Variants in HPSE2 observed in about 807,000 individuals in gnomAD.
HPSE2 encodes the protein inactive heparanase-2.
A neutral mutation model predicts 60.5 loss-of-function variants in HPSE2; 38 were observed. The ratio of observed to expected loss-of-function variants is 0.63; its 90% confidence interval spans 0.48 to 0.82. The LOEUF (loss-of-function observed/expected upper bound fraction) is 0.82. Among genes scored for constraint, HPSE2 ranks in the 40% least tolerant of loss-of-function variants. HPSE2 has a pLI of 0.00. For synonymous variants in HPSE2, 295 were observed against 293.2 expected (o/e 1.01, Z -0.06); for missense variants, 713 against 740.4 (o/e 0.96, Z 0.43).
At chr10:99,272,849 A>G in the HPSE2 span, among the ~76,000 whole-genome samples, 3 of 152,230 alleles carry the variant, frequency 2.0e-5, no homozygotes, top group African/African-American at 4.8e-5. Flanking sequence ...TACAACCACT[A>G]TGGAAAACTG....
At chr10:99,118,495 C>T (rs1387544743) in intron 3 of HPSE2, among the ~76,000 whole-genome samples, 1 of 148,010 alleles carries the variant, frequency 6.8e-6, no homozygotes, top group Admixed American at 6.9e-5. Flanking sequence ...TGCACTCCAG[C>T]CTGAGCAACA....
At chr10:98,862,585 T>C (rs1315116003) in intron 3 of HPSE2, among the ~76,000 whole-genome samples, 1 of 152,190 alleles carries the variant, frequency 6.6e-6, no homozygotes, top group Admixed American at 6.5e-5. Flanking sequence ...CTCATGCTTT[T>C]GGGAGAGTGA....
intron 3 of HPSE2, among the ~76,000 whole-genome samples, chr10:98,788,593 C>T (rs1019910448): frequency 6.6e-6 from 1 of 152,116 alleles, no homozygotes; most frequent in Non-Finnish European, 1.5e-5. Context: ...TAGCAATTAG[C>T]GAGATTCCGT....
intron 3 of HPSE2, among the ~76,000 whole-genome samples, chr10:98,862,535 T>A (rs1485679576): frequency 6.6e-6 from 1 of 152,188 alleles, no homozygotes; most frequent in Non-Finnish European, 1.5e-5. Flanking sequence ...CTTTTAAGGC[T>A]ATTATCAGAT....
intron 2 of HPSE2, among the ~76,000 whole-genome samples, chr10:99,206,393 G>A (rs897862444): frequency 1.3e-5 from 2 of 151,990 alleles, no homozygotes; most frequent in African/African-American, 2.4e-5. Context: ...TTGAACTGAG[G>A]AATTCAAGCC....
intron 3 of HPSE2, among the ~76,000 whole-genome samples, chr10:98,795,284 G>A (rs1950754544): frequency 3.9e-5 from 6 of 152,230 alleles, no homozygotes; most frequent in Admixed American, 3.9e-4. Flanking sequence ...GAGGGTAGGA[G>A]AGACAGTCTT....
chr10:99,052,644 TAAG>T (rs1958017121), intron 3 of HPSE2, among the ~76,000 whole-genome samples: 1 of 151,840 alleles, frequency 6.6e-6, no homozygotes, highest in Admixed American at 6.6e-5. Context: ...CCAAAGGTAA[TAAG>T]AAAATCTTGA....
chr10:98,772,361 A>G (rs1272677159), intron 3 of HPSE2, among the ~76,000 whole-genome samples: 1 of 152,172 alleles, frequency 6.6e-6, no homozygotes, highest in East Asian at 1.9e-4. Context: ...CCCAATCAAG[A>G]GTCCTGATCC....
chr10:99,051,159 T>A (rs1450186887), intron 3 of HPSE2, among the ~76,000 whole-genome samples: 1 of 152,132 alleles, frequency 6.6e-6, no homozygotes, highest in Non-Finnish European at 1.5e-5. Context: ...GGCATGCACC[T>A]GTAGTGCCAG....
chr10:99,025,288 T>A (rs1857090), intron 3 of HPSE2, among the ~76,000 whole-genome samples: 19 of 151,898 alleles, frequency 1.3e-4, no homozygotes, highest in African/African-American at 4.6e-4. Flanking sequence ...CAAAGCAGTG[T>A]GACAATTCCT....
At chr10:98,543,241 G>A (rs1943537161) in intron 9 of HPSE2, among the ~76,000 whole-genome samples, 1 of 152,070 alleles carries the variant, frequency 6.6e-6, no homozygotes, top group African/African-American at 2.4e-5. Flanking sequence ...CTTCATAAGT[G>A]AAGGAGAAAT....
At chr10:99,247,484 A>G in the HPSE2 span, among the ~76,000 whole-genome samples, 71 of 152,354 alleles carry the variant, frequency 4.7e-4, no homozygotes, top group East Asian at 9.1e-3. Flanking sequence ...CAACCACACA[A>G]TAGAAACTAC....
chr10:99,215,793 G>A (rs545245997), intron 2 of HPSE2, among the ~76,000 whole-genome samples: 173 of 152,248 alleles, frequency 1.1e-3, no homozygotes, highest in Non-Finnish European at 1.8e-3. Flanking sequence ...TTTCCTTTTG[G>A]GCTAATGAAA....
At chr10:98,482,864 A>G in intron 10 of HPSE2, 82 bp from the exon 11 acceptor site, 1 of 1,465,800 alleles carries the variant, frequency 6.8e-7, no homozygotes, top group Non-Finnish European at 9.5e-7. Flanking sequence ...TAGACTGTAC[A>G]AAATATGAAC....
intron 3 of HPSE2, among the ~76,000 whole-genome samples, chr10:99,062,364 C>T (rs549334586): frequency 1.3e-5 from 2 of 152,130 alleles, no homozygotes; most frequent in Non-Finnish European, 2.9e-5. Context: ...TAGTAAACTG[C>T]CCACAACTAG....
At chr10:98,677,375 G>A (rs1223533180) in intron 6 of HPSE2, among the ~76,000 whole-genome samples, 1 of 152,150 alleles carries the variant, frequency 6.6e-6, no homozygotes, top group African/African-American at 2.4e-5. Context: ...TCTGTAGAAT[G>A]TATAAAAATG....
intron 7 of HPSE2, among the ~76,000 whole-genome samples, chr10:98,620,989 T>G (rs1554955870): frequency 6.6e-6 from 1 of 152,192 alleles, no homozygotes; most frequent in East Asian, 1.9e-4. Flanking sequence ...GGATGTAAAC[T>G]GACTGCAGTA....
intron 2 of HPSE2, among the ~76,000 whole-genome samples, chr10:99,184,522 C>CAAAAAAAAAAA (rs200059066): frequency 7.4e-4 from 45 of 60,764 alleles, no homozygotes; most frequent in East Asian, 9.3e-4. Flanking sequence ...GAGACTGTCT[C>CAAAAAAAAAAA]AAAAAAAAAA....
At chr10:98,837,657 G>T (rs1951820896) in intron 3 of HPSE2, among the ~76,000 whole-genome samples, 1 of 152,052 alleles carries the variant, frequency 6.6e-6, no homozygotes, top group Non-Finnish European at 1.5e-5. Context: ...GGCGGATCAC[G>T]AGGTCAGCAG....
Sources: allele counts gnomAD v4.1 joint callset (sites outside exome capture counted in the v4.1 genomes callset), GRCh38; gene constraint gnomAD v4.1.1; transcripts MANE v1.5; gene names NCBI Gene and HGNC (gene_info 2026-07-23, HGNC 2026-07-21).